Variants in C8A observed in about 807,000 individuals in gnomAD.
The protein encoded by C8A is complement component C8 alpha chain.
Under a neutral mutation model 65.3 loss-of-function variants are expected in C8A, and 67 were observed. The ratio of observed to expected loss-of-function variants is 1.03; its 90% CI spans 0.84 to 1.26. C8A has a LOEUF of 1.26. C8A is among the 50% of genes most tolerant of loss of function. The pLI, the probability that C8A is intolerant of heterozygous loss-of-function variation, is 0.00. For synonymous variants in C8A, 290 were observed against 259.4 expected (o/e 1.12, Z -1.13); for missense variants, 781 against 723.9 (o/e 1.08, Z -0.90).
intron 8 of C8A, among the ~76,000 whole-genome samples, 179 bp downstream of exon 8, chr1:56,906,971 G>A (rs1557714638): frequency 1.3e-5 from 2 of 152,038 alleles, no homozygotes; most frequent in Non-Finnish European, 2.9e-5. Flanking sequence ...AATCTACCAT[G>A]GGCTTAAAAT....
intron 7 of C8A, among the ~76,000 whole-genome samples, chr1:56,894,228 T>C (rs1280718420): frequency 6.6e-6 from 1 of 152,118 alleles, no homozygotes; most frequent in Non-Finnish European, 1.5e-5. Context: ...ATTATCATGA[T>C]GTCCAGCCTG....
Position 56,881,610 on chromosome 1 carries a change from C to A in C8A, c.630C>A (p.Tyr210Ter), listed in dbSNP as rs748306602. The A allele has an allele frequency of 8.1e-6, 13 of 1,613,416 alleles. No homozygotes were observed. In the Middle Eastern group the frequency reaches 5.2e-4, roughly 64 times the overall value. The change falls in exon 5 of 11, where the codon TAC becomes TAA. Residue 210 changes from tyrosine (Y) to a stop codon, truncating the protein, a stop_gained. Coordinates refer to ENST00000361249, the MANE Select transcript of C8A (RefSeq NM_000562.3). LOFTEE classifies it high-confidence loss of function. Reference protein sequence around the residue: ...GDDEKYFRKPYNFLKYHFEAL... With the variant: ...GDDEKYFRKP Reference sequence around the variant, plus strand: ...ATGAGAAATACTTTCGGAAACCCTACAACTTTCTGAAGTACCACTTTGAAG... The same window carrying A: ...ATGAGAAATACTTTCGGAAACCCTAAAACTTTCTGAAGTACCACTTTGAAG...
chr1:56,908,709 T>C (rs1285098018), intron 9 of C8A, among the ~76,000 whole-genome samples: 4 of 152,196 alleles, frequency 2.6e-5, no homozygotes, highest in Non-Finnish European at 5.9e-5. Flanking sequence ...CTGTCATAGA[T>C]ACTATTCCCT....
At chr1:56,894,286 C>T (rs1162243555) in intron 7 of C8A, among the ~76,000 whole-genome samples, 1 of 152,090 alleles carries the variant, frequency 6.6e-6, no homozygotes, top group Admixed American at 6.6e-5. Context: ...GCAATCATGC[C>T]TCCTCCTCCA....
chr1:56,912,323 A>G (rs1644514343), intron 9 of C8A, 80 bp from the exon 10 acceptor site: 1 of 1,353,656 alleles, frequency 7.4e-7, no homozygotes, highest in Non-Finnish European at 1.0e-6. Flanking sequence ...GGCCTTCCAG[A>G]AGCTTGGTGG....
chr1:56,884,265 C>T (rs1294899137), intron 6 of C8A, among the ~76,000 whole-genome samples: 2 of 151,740 alleles, frequency 1.3e-5, no homozygotes, highest in Admixed American at 6.6e-5. Context: ...TCAGCATGTG[C>T]GAGGGCCTGG....
intron 9 of C8A, among the ~76,000 whole-genome samples, chr1:56,911,296 T>C (rs937903008): frequency 6.6e-6 from 1 of 152,182 alleles, no homozygotes; most frequent in South Asian, 2.1e-4. Flanking sequence ...AGTTTTACCA[T>C]GTGACAGGTC....
intron 7 of C8A, among the ~76,000 whole-genome samples, chr1:56,889,544 C>T (rs948813615): frequency 6.6e-6 from 1 of 151,940 alleles, no homozygotes; most frequent in Admixed American, 6.6e-5. Flanking sequence ...TTTCTCTTTC[C>T]TCTTTGTCAC....
At chr1:56,906,447 A>G (rs139875698) in intron 7 of C8A, among the ~76,000 whole-genome samples, 1 of 152,296 alleles carries the variant, frequency 6.6e-6, no homozygotes, top group Non-Finnish European at 1.5e-5. Context: ...ATTTTTTACC[A>G]ACTAGTATGT....
intron 5 of C8A, among the ~76,000 whole-genome samples, chr1:56,883,037 T>A (rs1193014420): frequency 6.6e-6 from 1 of 151,424 alleles, no homozygotes. Flanking sequence ...TGTATACCAC[T>A]GCCTAAGACA....
chr1:56,916,001 A>G (rs1444724713), intron 10 of C8A, among the ~76,000 whole-genome samples: 2 of 152,214 alleles, frequency 1.3e-5, no homozygotes, highest in African/African-American at 4.8e-5. Flanking sequence ...AAGGGCCCTC[A>G]GAACCAGTGA....
At position 56,881,622 on chromosome 1, in the gene C8A, G is replaced by A; in HGVS notation, c.642G>A (p.Lys214=). The change falls in exon 5 of 11, where the codon AAG becomes AAA. Residue 214 remains lysine (K), a synonymous_variant. Transcript: ENST00000361249. ...TTCGGAAACCCTACAACTTTCTGAA[G>A]TACCACTTTGAAGTAAGTCTGAACA... is the stretch of plus-strand genomic sequence containing the variant. ...KYFRKPYNFL[K]YHFEALADTG... 1 of 1,613,104 alleles carries A rather than the reference G, an allele frequency of 6.2e-7. No homozygotes were observed. The highest frequency in any genetic ancestry group is 8.5e-7 in the Non-Finnish European group (1 of 1,179,676).
At chr1:56,885,273 A>AATATATATTTACGTAAATATATATTTAT (rs1644280618) in intron 6 of C8A, among the ~76,000 whole-genome samples, 8 of 131,588 alleles carry the variant, frequency 6.1e-5, no homozygotes, top group African/African-American at 2.3e-4. Context: ...TTTATATATA[A>AATATATATTTACGTAAATATATATTTAT]ATATATATTT....
chr1:56,881,896 C>T (rs1346203918), intron 5 of C8A, among the ~76,000 whole-genome samples: 2 of 152,138 alleles, frequency 1.3e-5, no homozygotes, highest in African/African-American at 4.8e-5. Context: ...ATTATCTGGG[C>T]TGCCAATCAG....
intron 1 of C8A, among the ~76,000 whole-genome samples, chr1:56,865,958 G>C (rs1009751698): frequency 6.6e-6 from 1 of 152,172 alleles, no homozygotes; most frequent in Non-Finnish European, 1.5e-5. Flanking sequence ...TCCATTCAAA[G>C]TATAAAGACC....
intron 10 of C8A, 66 bp downstream of exon 10, chr1:56,912,691 ACTTTTGGGGTTCCCGGCCCCTC>A: frequency 6.8e-7 from 1 of 1,470,108 alleles, no homozygotes; most frequent in Non-Finnish European, 9.5e-7. Context: ...TGCAAAAAGG[ACTTTTGGGGTTCCCGGCCCCTC>A]CTTTTGGAGC....
intron 7 of C8A, among the ~76,000 whole-genome samples, chr1:56,901,927 A>T (rs1644429640): frequency 6.6e-6 from 1 of 152,152 alleles, no homozygotes; most frequent in South Asian, 2.1e-4. Flanking sequence ...CATAGAGGTC[A>T]AGCACTCTCC....
intron 7 of C8A, 79 bp from the exon 8 acceptor site, chr1:56,906,588 A>C (rs1644465521): frequency 6.4e-7 from 1 of 1,561,252 alleles, no homozygotes; most frequent in African/African-American, 1.4e-5. Flanking sequence ...GCTAGCTTTT[A>C]CTACTCTGAC....
chr1:56,891,251 G>C (rs1165419857), intron 7 of C8A, among the ~76,000 whole-genome samples: 1 of 152,054 alleles, frequency 6.6e-6, no homozygotes, highest in African/African-American at 2.4e-5. Flanking sequence ...TTGTACAAAG[G>C]CCCTGTCTGA....
Sources: allele counts gnomAD v4.1 joint callset (sites outside exome capture counted in the v4.1 genomes callset), GRCh38; gene constraint gnomAD v4.1.1; transcripts MANE v1.5; gene names NCBI Gene and HGNC (gene_info 2026-07-23, HGNC 2026-07-21).